ANKRD30BL: variants seen among roughly 807,000 people sequenced by gnomAD.
ANKRD30BL encodes putative ankyrin repeat domain-containing protein 30B-like.
ANKRD30BL carries 20 observed loss-of-function variants against 18.4 expected under a neutral mutation model. The ratio of observed to expected loss-of-function variants is 1.09; its 90% CI spans 0.77 to 1.58. ANKRD30BL has a LOEUF of 1.58. Among genes scored for constraint, ANKRD30BL ranks in the 40% most tolerant of loss-of-function variants. The pLI, the probability that ANKRD30BL is intolerant of heterozygous loss-of-function variation, is 0.00. For missense variants in ANKRD30BL, 224 were observed against 268.6 expected (o/e 0.83, Z 1.16); for synonymous variants, 72 against 100.9 (o/e 0.71, Z 1.72).
chr2:132,203,197 T>C (rs1181910906), intron 1 of ANKRD30BL, among the ~76,000 whole-genome samples: 1 of 152,308 alleles, frequency 6.6e-6, no homozygotes, highest in Non-Finnish European at 1.5e-5. Context: ...AGACATAGTG[T>C]GCCACCCACA....
chr2:132,234,726 G>A (rs1680107915), intron 1 of ANKRD30BL, among the ~76,000 whole-genome samples: 2 of 152,134 alleles, frequency 1.3e-5, no homozygotes, highest in African/African-American at 2.4e-5. Context: ...TCCAGGACCA[G>A]ATGGATTCAC....
At chr2:132,256,910 G>C in intron 1 of ANKRD30BL, 2 of 466,622 alleles carry the variant, frequency 4.3e-6, no homozygotes, top group African/African-American at 3.9e-5. Flanking sequence ...GACAGGCAAG[G>C]CCAGGGACCG....
intron 4 of ANKRD30BL, chr2:132,153,727 G>A (rs1293161688): frequency 9.3e-7 from 1 of 1,073,184 alleles, no homozygotes; most frequent in South Asian, 1.2e-5. Context: ...TCATTATTAG[G>A]AACGAACGAA....
intron 1 of ANKRD30BL, among the ~76,000 whole-genome samples, chr2:132,206,876 C>T (rs1371546781): frequency 0.014 from 1,896 of 138,614 alleles, no homozygotes; most frequent in African/African-American, 0.048. Context: ...CTTCTAGCAC[C>T]GGGTGATCAC....
chr2:132,241,046 G>A (rs200237852), intron 1 of ANKRD30BL, among the ~76,000 whole-genome samples: 18 of 151,964 alleles, frequency 1.2e-4, no homozygotes, highest in African/African-American at 4.3e-4. Context: ...AAACTTCTTT[G>A]TGATGCTTTC....
In ANKRD30BL at chr2:132,196,424, G is replaced by A. The variant is rs559308646; in HGVS notation, n.442-39278C>T. ...GAGATCACGCCATTGCACTCTGACCGGGGCAACAGAGTAAGACTCTGGGGG... is the reference window on the plus strand; with the variant it reads ...GAGATCACGCCATTGCACTCTGACCAGGGCAACAGAGTAAGACTCTGGGGG... On this transcript the variant is annotated intron_variant and non_coding_transcript_variant, in intron 1 of 4. Transcript: ENST00000470729. 2.1e-3 allele frequency among the ~76,000 whole-genome samples: 314 copies of A among 151,716 alleles called. 1 individual carries two copies. Among genetic ancestry groups the A allele is most frequent in the African/African-American group, 6.9e-3 (283 of 41,110 alleles).
chr2:132,165,872 C>CA (rs1688180476), upstream of ANKRD30BL, among the ~76,000 whole-genome samples: 1 of 147,012 alleles, frequency 6.8e-6, no homozygotes, highest in African/African-American at 2.5e-5. Context: ...GAAAAAAAAA[C>CA]AAAAAACAAA....
chr2:132,179,370 C>G (rs997695484), intron 1 of ANKRD30BL, among the ~76,000 whole-genome samples: 1 of 151,272 alleles, frequency 6.6e-6, no homozygotes, highest in Admixed American at 6.6e-5. Flanking sequence ...CTCACTGCAA[C>G]CTCCACCTCC....
intron 1 of ANKRD30BL, among the ~76,000 whole-genome samples, chr2:132,223,401 C>T (rs113844744): frequency 6.6e-5 from 10 of 151,398 alleles, no homozygotes; most frequent in Non-Finnish European, 1.5e-4. Context: ...GTAGAATCTG[C>T]AAGTGGACAT....
At chr2:132,218,948 G>A (rs558407733) in intron 1 of ANKRD30BL, among the ~76,000 whole-genome samples, 11 of 152,084 alleles carry the variant, frequency 7.2e-5, no homozygotes, top group Admixed American at 2.0e-4. Context: ...ACCGCTTTGA[G>A]GCCTTCGTTG....
chr2:132,246,153 T>G (rs2104802632), intron 1 of ANKRD30BL, among the ~76,000 whole-genome samples: 1 of 152,096 alleles, frequency 6.6e-6, no homozygotes, highest in Admixed American at 6.6e-5. Context: ...ACAGAAGCAT[T>G]CTCCGAAACT....
chr2:132,242,375 T>G (rs1300268571), intron 1 of ANKRD30BL, among the ~76,000 whole-genome samples: 1 of 151,656 alleles, frequency 6.6e-6, no homozygotes, highest in Non-Finnish European at 1.5e-5. Flanking sequence ...TATCTTCAAA[T>G]AAAATCTAGA....
At chr2:132,255,866 CA>C (rs1286577030) in intron 1 of ANKRD30BL, among the ~76,000 whole-genome samples, 1 of 152,154 alleles carries the variant, frequency 6.6e-6, no homozygotes, top group African/African-American at 2.4e-5. Flanking sequence ...TCATCGCTGC[CA>C]CGGGGGGCGT....
chr2:132,170,428 C>T (rs1389247986), intron 1 of ANKRD30BL, among the ~76,000 whole-genome samples: 9 of 152,206 alleles, frequency 5.9e-5, no homozygotes, highest in Admixed American at 5.9e-4. Context: ...GGCCAGGCTC[C>T]TCCCCGCTGC....
At chr2:132,216,606 T>G (rs76742273) in intron 1 of ANKRD30BL, among the ~76,000 whole-genome samples, 7 of 151,130 alleles carry the variant, frequency 4.6e-5, no homozygotes, top group East Asian at 2.0e-4. Context: ...GAACATTTCT[T>G]TTGATTGAGC....
chr2:132,248,693 G>A (rs76287643), intron 1 of ANKRD30BL, among the ~76,000 whole-genome samples: 13 of 150,604 alleles, frequency 8.6e-5, no homozygotes, highest in East Asian at 4.0e-4. Flanking sequence ...TTCCAGACTC[G>A]TCAAAGAATA....
At chr2:132,156,276 T>C (rs918444282) in intron 3 of ANKRD30BL, 6 of 152,178 alleles carry the variant, frequency 3.9e-5, no homozygotes, top group African/African-American at 1.2e-4. Flanking sequence ...TTATTTATGG[T>C]TTATATGAAG....
intron 1 of ANKRD30BL, among the ~76,000 whole-genome samples, chr2:132,203,328 G>C (rs951283024): frequency 6.6e-6 from 1 of 152,188 alleles, no homozygotes; most frequent in African/African-American, 2.4e-5. Flanking sequence ...ACCCCTCTAA[G>C]ATTATTAGGA....
chr2:132,169,752 G>C (rs534943712), intron 1 of ANKRD30BL, among the ~76,000 whole-genome samples: 21 of 151,912 alleles, frequency 1.4e-4, no homozygotes. Flanking sequence ...ATGCCCCCAG[G>C]TGAAACATTG....
Sources: gnomAD v4.1 joint callset for allele counts (sites outside exome capture counted in the v4.1 genomes callset) on GRCh38, gnomAD v4.1.1 for gene constraint, MANE v1.5 for transcripts, NCBI Gene and HGNC (gene_info 2026-07-23, HGNC 2026-07-21) for gene names.